The following TWSG1 variants were observed in gnomAD, a reference collection of about 807,000 sequenced individuals.
TWSG1 encodes the protein twisted gastrulation BMP signaling modulator 1.
A neutral mutation model predicts 23.0 loss-of-function variants in TWSG1; 15 were observed. The ratio of observed to expected loss-of-function variants is 0.65; its 90% CI spans 0.44 to 1.00. TWSG1 has a LOEUF of 1.00. TWSG1 is among the 50% of genes least tolerant of loss of function. The pLI is 0.00. For missense variants in TWSG1, 242 were observed against 278.7 expected, an observed-to-expected ratio of 0.87 and a Z score of 0.94; for synonymous variants, 86 against 92.8, an observed-to-expected ratio of 0.93 and a Z score of 0.42.
rs140262399 is a variant in TWSG1, at chr18:9,369,891, T to C, written c.223+9820T>C. Among the ~76,000 whole-genome samples, 18 of 152,336 alleles carry C rather than the reference T, an allele frequency of 1.2e-4. No individual in the cohort carries two copies. The East Asian group carries it at 3.5e-3, about 29-fold the overall frequency. On this transcript the variant is annotated intron_variant, in intron 3 of 4. Coordinates refer to ENST00000262120, the MANE Select transcript of TWSG1 (RefSeq NM_020648.6). ...TTATCAAATGTATGGTTTGCAAATA[T>C]TTTTTCCCATTCTGTAGATTGTCTC...
intron 2 of TWSG1, among the ~76,000 whole-genome samples, chr18:9,348,047 C>T (rs958110293): frequency 1.3e-5 from 2 of 152,024 alleles, no homozygotes; most frequent in Admixed American, 1.3e-4. Context: ...GCAATAAAAC[C>T]TGGTTGGGAG....
chr18:9,386,658 G>A (rs1464278974), intron 3 of TWSG1, among the ~76,000 whole-genome samples: 4 of 151,992 alleles, frequency 2.6e-5, no homozygotes, highest in African/African-American at 9.7e-5. Flanking sequence ...AAAAAAAACA[G>A]TGAGTCCTTA....
Position 9,364,795 on chromosome 18 carries a change from GAAA to G in TWSG1, c.223+4733_223+4735del, listed in dbSNP as rs776416088. Among the ~76,000 whole-genome samples the G allele has an allele frequency of 5.7e-5, 8 of 140,182 alleles. 1 individual carries two copies. The South Asian group carries it at 1.6e-3, about 28-fold the overall frequency. 92.0% of individuals were successfully genotyped at this position (140,182 alleles called of 152,430 possible). A position where few individuals can be genotyped will look rare whatever the true frequency, so the allele number is the denominator to read the frequency against. On this transcript the variant is annotated intron_variant, in intron 3 of 4. Coordinates refer to ENST00000262120, the MANE Select transcript of TWSG1 (RefSeq NM_020648.6). ...GGTGACAGAGGGAGACTCTGTCTCA[GAAA>G]AAAAAAAAGAAGAAGAAGAAAAGTT...
chr18:9,378,424 G>A (rs1186125048), intron 3 of TWSG1, among the ~76,000 whole-genome samples: 3 of 152,060 alleles, frequency 2.0e-5, no homozygotes, highest in African/African-American at 7.2e-5. Flanking sequence ...AAGTTTTGGG[G>A]TACAAAATCA....
At chr18:9,358,713 G>T (rs939196057) in intron 2 of TWSG1, among the ~76,000 whole-genome samples, 2 of 152,078 alleles carry the variant, frequency 1.3e-5, no homozygotes, top group Admixed American at 6.5e-5. Flanking sequence ...GTCAGCTGTG[G>T]GCTGCAATGG....
intron 2 of TWSG1, among the ~76,000 whole-genome samples, chr18:9,355,333 T>C (rs554772415): frequency 2.0e-3 from 302 of 152,344 alleles, no homozygotes; most frequent in Non-Finnish European, 3.6e-3. Context: ...TTTTCTGTAA[T>C]CCTTGTTTCA....
intron 3 of TWSG1, among the ~76,000 whole-genome samples, chr18:9,392,520 A>G (rs180954867): frequency 7.2e-4 from 109 of 152,274 alleles, no homozygotes; most frequent in African/African-American, 2.2e-3. Flanking sequence ...AGACCACTCA[A>G]ACTTTCTCCA....
At chr18:9,346,598 T>G (rs2040478487) in intron 2 of TWSG1, among the ~76,000 whole-genome samples, 1 of 151,938 alleles carries the variant, frequency 6.6e-6, no homozygotes, top group African/African-American at 2.4e-5. Context: ...GACCCCCATC[T>G]CTACCAAAAG....
At chr18:9,382,811 A>AC (rs2040663999) in intron 3 of TWSG1, among the ~76,000 whole-genome samples, 1 of 98,002 alleles carries the variant, frequency 1.0e-5, no homozygotes, top group Non-Finnish European at 2.1e-5. Context: ...CGTCTCAAAA[A>AC]AAAAAAAACA....
chr18:9,371,191 G>C (rs2040603399), intron 3 of TWSG1, among the ~76,000 whole-genome samples: 1 of 151,866 alleles, frequency 6.6e-6, no homozygotes, highest in African/African-American at 2.4e-5. Context: ...ATTGCATTAT[G>C]AATATTTAGA....
chr18:9,378,617 A>G (rs1250196734), intron 3 of TWSG1, among the ~76,000 whole-genome samples: 2 of 152,210 alleles, frequency 1.3e-5, no homozygotes, highest in Admixed American at 6.5e-5. Context: ...GAAATCAGAG[A>G]TGACCAAAAC....
At chr18:9,364,032 C>T (rs1256698843) in intron 3 of TWSG1, among the ~76,000 whole-genome samples, 1 of 152,182 alleles carries the variant, frequency 6.6e-6, no homozygotes, top group Non-Finnish European at 1.5e-5. Context: ...AATCAAGATC[C>T]AACAAAGATT....
chr18:9,345,108 G>C (rs2040471028), intron 2 of TWSG1, among the ~76,000 whole-genome samples: 1 of 152,044 alleles, frequency 6.6e-6, no homozygotes, highest in South Asian at 2.1e-4. Context: ...TTGTTGAGTT[G>C]TAAGAATTCT....
At position 9,349,660 on chromosome 18, in the gene TWSG1, TTTTC is replaced by T. The variant is rs140408031; in HGVS notation, c.124-10309_124-10306del. Among the ~76,000 whole-genome samples, 32 of 152,300 alleles carry T rather than the reference TTTTC, an allele frequency of 2.1e-4. No individual in the cohort carries two copies. In the East Asian group the frequency reaches 6.2e-3, roughly 29 times the overall value. On this transcript the variant is annotated intron_variant, in intron 2 of 4. Coordinates refer to ENST00000262120, the MANE Select transcript of TWSG1 (RefSeq NM_020648.6). ...ATTACAGTAAACTAAAGAATTAACTTTTTCTTCTTTTTTTCTTAATCAGTGCAAA... is the reference window on the plus strand; with the variant it reads ...ATTACAGTAAACTAAAGAATTAACTTTTCTTTTTTTCTTAATCAGTGCAAA...
intron 3 of TWSG1, among the ~76,000 whole-genome samples, chr18:9,374,795 A>G (rs1399921263): frequency 6.6e-6 from 1 of 152,320 alleles, no homozygotes; most frequent in East Asian, 1.9e-4. Flanking sequence ...ATCAAATCCA[A>G]CAATGTATAA....
intron 3 of TWSG1, among the ~76,000 whole-genome samples, chr18:9,363,921 C>G (rs969974464): frequency 6.6e-5 from 10 of 152,322 alleles, no homozygotes; most frequent in African/African-American, 2.4e-4. Context: ...AGCCACCGCA[C>G]CCGGCCATTT....
intron 3 of TWSG1, among the ~76,000 whole-genome samples, chr18:9,386,387 G>A (rs2040684433): frequency 6.6e-6 from 1 of 151,062 alleles, no homozygotes; most frequent in Non-Finnish European, 1.5e-5. Flanking sequence ...CCAGGAGGCG[G>A]AGCTTGCAGT....
intron 3 of TWSG1, among the ~76,000 whole-genome samples, chr18:9,394,983 T>C (rs1337479595): frequency 6.6e-6 from 1 of 152,202 alleles, no homozygotes; most frequent in African/African-American, 2.4e-5. Flanking sequence ...CCCCATTCAG[T>C]GTCACCAGCT....
chr18:9,366,088 T>A (rs1412611742), intron 3 of TWSG1, among the ~76,000 whole-genome samples: 1 of 152,244 alleles, frequency 6.6e-6, no homozygotes, highest in African/African-American at 2.4e-5. Flanking sequence ...GAGCCACCTG[T>A]TTAGCATGTC....
Sources: allele counts gnomAD v4.1 joint callset (sites outside exome capture counted in the v4.1 genomes callset), GRCh38; gene constraint gnomAD v4.1.1; transcripts MANE v1.5; gene names NCBI Gene and HGNC (gene_info 2026-07-23, HGNC 2026-07-21).